REEP1: variants seen among roughly 807,000 people sequenced by gnomAD.
REEP1 encodes the protein receptor accessory protein 1.
REEP1 carries 22 observed loss-of-function variants against 40.3 expected under a neutral mutation model. That is an observed-to-expected ratio of 0.55 (90% CI 0.39 to 0.78). REEP1 has a LOEUF of 0.78. Ranked by LOEUF, REEP1 falls within the 30% of genes least tolerant of loss-of-function variation. The pLI is 0.00. For missense variants in REEP1, 280 were observed against 361.1 expected (o/e 0.78, Z 1.82); for synonymous variants, 116 against 139.2 (o/e 0.83, Z 1.17).
At chr2:86,324,505 G>C (rs1680412648) in intron 1 of REEP1, among the ~76,000 whole-genome samples, 2 of 152,198 alleles carry the variant, frequency 1.3e-5, no homozygotes, top group African/African-American at 4.8e-5. Context: ...TGATGGTAAA[G>C]ACACTGTGCA....
At chr2:86,335,146 A>G (rs537089437) in intron 1 of REEP1, among the ~76,000 whole-genome samples, 1 of 152,350 alleles carries the variant, frequency 6.6e-6, no homozygotes, top group African/African-American at 2.4e-5. Context: ...AAATTTCTTG[A>G]AGAATATGCC....
At chr2:86,290,650 C>A (rs1678645090) in intron 1 of REEP1, among the ~76,000 whole-genome samples, 1 of 152,202 alleles carries the variant, frequency 6.6e-6, no homozygotes, top group Admixed American at 6.5e-5. Flanking sequence ...ACCCACTGAT[C>A]CTCTAGCCCT....
intron 3 of REEP1, among the ~76,000 whole-genome samples, chr2:86,262,533 G>T (rs376745096): frequency 2.0e-5 from 3 of 152,246 alleles, no homozygotes; most frequent in East Asian, 3.8e-4. Context: ...CTATGTTGTG[G>T]GGAAAAGTAC....
At chr2:86,229,426 C>T (rs1433455988) in intron 6 of REEP1, among the ~76,000 whole-genome samples, 2 of 152,066 alleles carry the variant, frequency 1.3e-5, no homozygotes, top group Non-Finnish European at 2.9e-5. Context: ...ATCTGAGGCC[C>T]ACACTGGGGG....
chr2:86,273,122 C>T (rs936994301), intron 2 of REEP1, among the ~76,000 whole-genome samples: 1 of 130,298 alleles, frequency 7.7e-6, no homozygotes, highest in Non-Finnish European at 1.6e-5. Context: ...GCCTTGGCAA[C>T]AGAACAAGAC....
chr2:86,295,648 A>T lies in REEP1; in HGVS notation c.33-13406T>A, dbSNP rs1306560021. ...TCCGCCTCCCGGATTCAAGCAATTC[A>T]CCTGCCTCAGCCTCCCGAGTAGCTG... On this transcript the variant is annotated intron_variant, in intron 1 of 8. Transcript: ENST00000538924. 9.2e-5 allele frequency among the ~76,000 whole-genome samples: 14 copies of T among 152,090 alleles called. No individual in the cohort carries two copies. In the East Asian group the frequency reaches 2.3e-3, roughly 25 times the overall value.
At chr2:86,324,835 CTCTT>C (rs1680429576) in intron 1 of REEP1, among the ~76,000 whole-genome samples, 3 of 152,308 alleles carry the variant, frequency 2.0e-5, no homozygotes, top group East Asian at 1.9e-4. Context: ...CACTGCAGCG[CTCTT>C]TCTGAGAGAG....
chr2:86,337,347 C>T lies in REEP1; in HGVS notation c.32+132G>A, dbSNP rs1681096809. The T allele has an allele frequency of 5.8e-6, 3 of 521,472 alleles. No homozygotes were observed. The highest frequency in any genetic ancestry group is 8.4e-6 in the Non-Finnish European group (3 of 357,792). 32.3% of individuals were successfully genotyped at this position (521,472 alleles called of 1,614,324 possible). ...GCAGGCGTCCTCGGCGGCTACTGTACCTGCTAAATTTAGCTGCGCCGGGTA... is the reference window on the plus strand; with the variant it reads ...GCAGGCGTCCTCGGCGGCTACTGTATCTGCTAAATTTAGCTGCGCCGGGTA... On this transcript the variant is annotated intron_variant, in intron 1 of 8. Coordinates refer to ENST00000538924, the MANE Select transcript of REEP1 (RefSeq NM_001371279.1). This position sits in a 1 kb window ranked among gnomAD's most constrained non-coding sequence, Gnocchi z 5.8.
intron 8 of REEP1, among the ~76,000 whole-genome samples, chr2:86,219,281 T>C (rs530413508): frequency 3.3e-5 from 5 of 152,212 alleles, no homozygotes; most frequent in Non-Finnish European, 7.4e-5. Context: ...TTCTTATTTA[T>C]AAAAACTTTT....
At chr2:86,330,669 T>TGA (rs1680725343) in intron 1 of REEP1, among the ~76,000 whole-genome samples, 5 of 151,832 alleles carry the variant, frequency 3.3e-5, no homozygotes, top group Non-Finnish European at 7.4e-5. Context: ...TGGTCTCAAA[T>TGA]TCCTGGGCTC....
intron 3 of REEP1, among the ~76,000 whole-genome samples, chr2:86,260,217 G>A (rs1020604971): frequency 2.0e-5 from 3 of 152,136 alleles, no homozygotes; most frequent in African/African-American, 7.2e-5. Flanking sequence ...TCAGGCTGTG[G>A]GATAAAGCAG....
intron 1 of REEP1, chr2:86,297,658 A>G (rs1460756243): frequency 2.7e-5 from 26 of 974,870 alleles, no homozygotes; most frequent in Non-Finnish European, 3.2e-5. Context: ...AGGGAGGAAG[A>G]GAACACTTAC....
At chr2:86,279,817 C>A (rs893706026) in intron 2 of REEP1, among the ~76,000 whole-genome samples, 1 of 152,170 alleles carries the variant, frequency 6.6e-6, no homozygotes, top group Admixed American at 6.5e-5. Flanking sequence ...CGGAGCACAG[C>A]CCTGCTTGAT....
At chr2:86,333,323 C>G (rs1425644392) in intron 1 of REEP1, among the ~76,000 whole-genome samples, 1 of 152,220 alleles carries the variant, frequency 6.6e-6, no homozygotes, top group Non-Finnish European at 1.5e-5. Flanking sequence ...TGACCCAGGA[C>G]AGACTTCATG....
At position 86,319,714 on chromosome 2, in the gene REEP1, A is replaced by C. The variant is rs115377956; in HGVS notation, c.32+17765T>G. Among the ~76,000 whole-genome samples the C allele has an allele frequency of 6.3e-3, 961 of 152,258 alleles. 8 individuals are homozygous for C. Among genetic ancestry groups the C allele is most frequent in the Middle Eastern group, 0.024 (7 of 294 alleles). On this transcript the variant is annotated intron_variant, in intron 1 of 8. Coordinates refer to ENST00000538924, the MANE Select transcript of REEP1 (RefSeq NM_001371279.1). ...TGCCAAAGAAGAAAAGAACGAAAAA[A>C]AAAGAAGAAAAGAAAAAGAAAAGGG...
chr2:86,276,889 G>C (rs1677783541), intron 2 of REEP1, among the ~76,000 whole-genome samples: 1 of 152,164 alleles, frequency 6.6e-6, no homozygotes, highest in African/African-American at 2.4e-5. Flanking sequence ...GAGATCCCCT[G>C]TTCATTCATA....
chr2:86,220,703 G>GTT (rs1350962063), intron 7 of REEP1, among the ~76,000 whole-genome samples: 28 of 83,394 alleles, frequency 3.4e-4, no homozygotes, highest in African/African-American at 7.1e-4. Flanking sequence ...TAGTTTTTTT[G>GTT]TTTGTTTTTT....
intron 3 of REEP1, chr2:86,255,044 A>T (rs1676479935): frequency 2.1e-6 from 1 of 475,678 alleles, no homozygotes; most frequent in African/African-American, 1.9e-5. Context: ...TTTGTTGCCA[A>T]AGCAAACCAG....
At chr2:86,218,680 C>T (rs1259732145) in intron 8 of REEP1, among the ~76,000 whole-genome samples, 1 of 152,158 alleles carries the variant, frequency 6.6e-6, no homozygotes, top group Non-Finnish European at 1.5e-5. Context: ...AGGAGGCTGC[C>T]CAGGCCAGAT....
Sources: gnomAD v4.1 joint callset for allele counts (sites outside exome capture counted in the v4.1 genomes callset) on GRCh38, gnomAD v4.1.1 for gene constraint, Gnocchi (gnomAD v3.1) non-coding constraint, MANE v1.5 for transcripts, NCBI Gene and HGNC (gene_info 2026-07-23, HGNC 2026-07-21) for gene names.